Variants in EP300 observed in about 807,000 individuals in gnomAD.
EP300 encodes histone acetyltransferase p300.
EP300 carries 31 observed loss-of-function variants against 264.0 expected under a neutral mutation model. That is an observed-to-expected ratio of 0.12 (90% CI 0.09 to 0.16). The LOEUF (loss-of-function observed/expected upper bound fraction) is 0.16. EP300 is among the 10% of genes least tolerant of loss of function. The pLI is 1.00. For synonymous variants in EP300, 1,340 were observed against 1,045.4 expected, an observed-to-expected ratio of 1.28 and a Z score of -5.44; for missense variants, 2,766 against 3,052.9, an observed-to-expected ratio of 0.91 and a Z score of 2.21.
chr22:41,124,815 C>G (rs530525782), intron 2 of EP300, among the ~76,000 whole-genome samples: 3 of 152,056 alleles, frequency 2.0e-5, no homozygotes, highest in South Asian at 2.1e-4. Flanking sequence ...TCTAAAACAT[C>G]TTTATTTCAA....
intron 29 of EP300, 93 bp from the exon 30 acceptor site, chr22:41,176,154 A>G: frequency 7.0e-7 from 1 of 1,435,744 alleles, no homozygotes. Flanking sequence ...CAGGAGGCAG[A>G]GGTTGTAGTG....
intron 11 of EP300, among the ~76,000 whole-genome samples, chr22:41,147,188 C>T (rs1350959988): frequency 6.6e-6 from 1 of 152,032 alleles, no homozygotes; most frequent in African/African-American, 2.4e-5. Flanking sequence ...GGCCTGTAAT[C>T]CCATTTACTC....
In EP300 at chr22:41,172,528, A is replaced by G. The variant is rs149471059; in HGVS notation, c.4482A>G (p.Arg1494=). 133 of 1,613,898 alleles carry G rather than the reference A, an allele frequency of 8.2e-5. No homozygotes were observed. Among genetic ancestry groups the G allele is most frequent in the Non-Finnish European group, 1.1e-4 (130 of 1,179,894 alleles). Residue 1494 remains arginine (R), a synonymous_variant, in exon 28 of 31, where the codon AGA becomes AGG. Coordinates refer to ENST00000263253, the MANE Select transcript of EP300 (RefSeq NM_001429.4). ...TTTTTAAACAAGCTACTGAAGATAG[A>G]TTAACAAGTGCAAAGGAATTGCCTT... ...KDIFKQATED[R]LTSAKELPYF...
rs752937751 is a variant in EP300, at chr22:41,173,736, T to C, written c.4731T>C (p.Ser1577=). ...NKKKPGMPNV[S]NDLSQKLYAT... ...AGAAACCCGGGATGCCCAATGTATC[T>C]AACGACCTCTCACAGAAACTATATG... The change falls in exon 29 of 31, where the codon TCT becomes TCC. Residue 1577 remains serine (S), a synonymous_variant. Coordinates refer to ENST00000263253, the MANE Select transcript of EP300 (RefSeq NM_001429.4). The C allele has an allele frequency of 6.2e-7, 1 of 1,614,158 alleles. No individual in the cohort carries two copies. The highest frequency in any genetic ancestry group is 8.5e-7 in the Non-Finnish European group (1 of 1,180,024).
intron 10 of EP300, among the ~76,000 whole-genome samples, chr22:41,143,153 T>C (rs1448235426): frequency 1.3e-5 from 2 of 151,902 alleles, no homozygotes. Flanking sequence ...CAGAAAATAA[T>C]AGAAGCATAA....
chr22:41,130,732 C>T (rs923639228), intron 5 of EP300, among the ~76,000 whole-genome samples: 2 of 151,620 alleles, frequency 1.3e-5, no homozygotes, highest in African/African-American at 2.4e-5. Flanking sequence ...GTGATCTAAA[C>T]GTTCCAGGTA....
In EP300 at chr22:41,172,466, G is replaced by A. The variant is rs375555978; in HGVS notation, c.4453-33G>A. ...ATAATCAATGCTTTAAAAGAACATA[G>A]AAATTCCTATATGTACATGCATGTT... On this transcript the variant is annotated intron_variant, in intron 27 of 30. Transcript: ENST00000263253. 6 of 1,559,668 alleles carry A rather than the reference G, an allele frequency of 3.8e-6. No homozygotes were observed. The African/African-American group carries it at 6.8e-5, about 18-fold the overall frequency.
rs758324686 is a variant in EP300, at chr22:41,169,543, C to T, written c.4213C>T (p.Arg1405Cys). The T allele has an allele frequency of 3.1e-6, 5 of 1,609,650 alleles. No individual in the cohort carries two copies. The highest frequency in any genetic ancestry group is 4.2e-6 in the Non-Finnish European group (5 of 1,177,862). The change falls in exon 26 of 31, where the codon CGT becomes TGT. Residue 1405 changes from arginine (R) to cysteine (C), a missense_variant. Transcript: ENST00000263253. ...TTACCTCGATAGTGTTCATTTCTTCCGTCCTAAATGCTTGAGGACTGCAGT... is the reference window on the plus strand; with the variant it reads ...TTACCTCGATAGTGTTCATTTCTTCTGTCCTAAATGCTTGAGGACTGCAGT... ...ISYLDSVHFF[R>C]PKCLRTAVYH...
chr22:41,176,016 T>A (rs1273965823), intron 29 of EP300: 1 of 556,742 alleles, frequency 1.8e-6, no homozygotes, highest in Non-Finnish European at 3.2e-6. Context: ...GCTTAGGAGT[T>A]TGAGACCAGC....
At chr22:41,119,740 T>G (rs5758237) in intron 2 of EP300, among the ~76,000 whole-genome samples, 92,487 of 151,936 alleles carry the variant, frequency 0.61, 28,741 homozygotes, top group East Asian at 0.81. Context: ...CAAAAATCCC[T>G]GTCCTTGTGG....
intron 1 of EP300, among the ~76,000 whole-genome samples, chr22:41,098,074 G>A (rs955586260): frequency 6.6e-6 from 1 of 151,836 alleles, no homozygotes; most frequent in African/African-American, 2.4e-5. Context: ...ATGTATACAT[G>A]TGCCATGTTG....
At chr22:41,121,239 C>T (rs964377336) in intron 2 of EP300, among the ~76,000 whole-genome samples, 4 of 152,124 alleles carry the variant, frequency 2.6e-5, no homozygotes, top group Non-Finnish European at 4.4e-5. Context: ...GGCTTCCTCA[C>T]CCTCTCCTTT....
At chr22:41,099,700 C>T (rs1430212988) in intron 1 of EP300, among the ~76,000 whole-genome samples, 2 of 152,138 alleles carry the variant, frequency 1.3e-5, no homozygotes, top group Non-Finnish European at 2.9e-5. Flanking sequence ...TTTGGCATAT[C>T]CATATAGCTG....
At chr22:41,096,350 G>A (rs1269587695) in intron 1 of EP300, among the ~76,000 whole-genome samples, 1 of 152,078 alleles carries the variant, frequency 6.6e-6, no homozygotes, top group Non-Finnish European at 1.5e-5. Context: ...GTCACTGCTT[G>A]GTAAACGCTT....
At position 41,177,443 on chromosome 22, in the gene EP300, C is replaced by T. The variant is rs764637829; in HGVS notation, c.5732C>T (p.Pro1911Leu). The part of the protein sequence containing the change: ...AAGQVTPPTP[P>L]QTAQPPLPGP... ...GGCCAGGTGACCCCTCCAACCCCTC[C>T]TCAGACTGCTCAGCCACCCCTTCCA... is the stretch of plus-strand genomic sequence containing the variant. The change falls in exon 31 of 31, where the codon CCT becomes CTT. Residue 1911 changes from proline to leucine, a missense_variant. Transcript: ENST00000263253. 3 of 1,614,212 alleles carry T rather than the reference C, an allele frequency of 1.9e-6. No individual in the cohort carries two copies. In the South Asian group the frequency reaches 3.3e-5, roughly 18 times the overall value.
intron 5 of EP300, among the ~76,000 whole-genome samples, chr22:41,130,335 G>A (rs1346358869): frequency 1.3e-5 from 2 of 151,790 alleles, no homozygotes; most frequent in East Asian, 3.9e-4. Flanking sequence ...CAAGGCAAGA[G>A]GATTCCCAGG....
Position 41,119,857 on chromosome 22 carries a change from C to A in EP300, c.729+2036C>A, listed in dbSNP as rs534761069. ...TTTGAGACCGAGTCTTGCTGTTGCC[C>A]ATGCTGGAGTGCAGTGGCGTGATCT... On this transcript the variant is annotated intron_variant, in intron 2 of 30. Coordinates refer to ENST00000263253, the MANE Select transcript of EP300 (RefSeq NM_001429.4). 9.2e-5 allele frequency among the ~76,000 whole-genome samples: 14 copies of A among 152,248 alleles called. No individual in the cohort carries two copies. In the South Asian group the frequency reaches 2.9e-3, roughly 32 times the overall value.
At position 41,154,571 on chromosome 22, in the gene EP300, G is replaced by T. The variant is rs571258573; in HGVS notation, c.3143-424G>T. Among the ~76,000 whole-genome samples the T allele has an allele frequency of 2.0e-5, 3 of 151,786 alleles. No homozygotes were observed. In the South Asian group the frequency reaches 6.3e-4, roughly 32 times the overall value. On this transcript the variant is annotated intron_variant, in intron 16 of 30. Transcript: ENST00000263253. ...TTTTTATATTTTTAGTAGAGACGAG[G>T]TTTCACCATGTTGGCCAGGCTGAAA...
At chr22:41,154,169 A>C (rs2059063008) in intron 16 of EP300, among the ~76,000 whole-genome samples, 1 of 152,118 alleles carries the variant, frequency 6.6e-6, no homozygotes, top group Non-Finnish European at 1.5e-5. Flanking sequence ...TTGTCATTAA[A>C]ATAGTACATG....
Sources: gnomAD v4.1 joint callset for allele counts (sites outside exome capture counted in the v4.1 genomes callset) on GRCh38, gnomAD v4.1.1 for gene constraint, MANE v1.5 for transcripts, NCBI Gene and HGNC (gene_info 2026-07-23, HGNC 2026-07-21) for gene names.